The following STAG1 variants were observed in gnomAD, a reference collection of about 807,000 sequenced individuals.
STAG1 encodes cohesin subunit SA-1.
In STAG1, 26 loss-of-function variants were observed where a neutral mutation model predicts 170.9. That is an observed-to-expected ratio of 0.15 (90% CI 0.11 to 0.21). STAG1 has a LOEUF of 0.21. Ranked by LOEUF, STAG1 falls within the 10% of genes least tolerant of loss-of-function variation. The pLI is 1.00. For synonymous variants in STAG1, 514 were observed against 497.7 expected (o/e 1.03, Z -0.44); for missense variants, 964 against 1,509.5 (o/e 0.64, Z 5.99).
chr3:136,468,464 C>G (rs188528132), intron 12 of STAG1, among the ~76,000 whole-genome samples: 4 of 152,022 alleles, frequency 2.6e-5, no homozygotes, highest in Non-Finnish European at 5.9e-5. Context: ...CAGGAAGAAG[C>G]TGAATCCCTG....
At chr3:136,458,889 T>C (rs1311003996) in intron 13 of STAG1, among the ~76,000 whole-genome samples, 3 of 152,034 alleles carry the variant, frequency 2.0e-5, no homozygotes, top group African/African-American at 4.8e-5. Context: ...ATATTTGTTA[T>C]CAAATAAAAT....
intron 1 of STAG1, among the ~76,000 whole-genome samples, chr3:136,698,688 G>A (rs1468890506): frequency 4.6e-5 from 7 of 152,270 alleles, no homozygotes; most frequent in East Asian, 1.9e-4. Context: ...AAATGATTCC[G>A]TTTGTATGGG....
At chr3:136,723,932 G>C (rs1933491193) in intron 1 of STAG1, among the ~76,000 whole-genome samples, 1 of 149,584 alleles carries the variant, frequency 6.7e-6, no homozygotes, top group Non-Finnish European at 1.5e-5. Context: ...AGTGAGGTGG[G>C]GGGGTCAGCC....
At chr3:136,572,620 A>AAAAAG (rs1553747954) in intron 4 of STAG1, among the ~76,000 whole-genome samples, 3 of 148,650 alleles carry the variant, frequency 2.0e-5, no homozygotes, top group Non-Finnish European at 3.0e-5. Context: ...AAAAAAAAAA[A>AAAAAG]AAGTAAGCAA....
intron 3 of STAG1, among the ~76,000 whole-genome samples, chr3:136,610,968 G>T (rs765786395): frequency 1.6e-4 from 25 of 151,824 alleles, no homozygotes; most frequent in Non-Finnish European, 3.2e-4. Flanking sequence ...TTAATATATG[G>T]GTTGAGTACC....
At chr3:136,717,647 A>G (rs1400068174) in intron 1 of STAG1, among the ~76,000 whole-genome samples, 4 of 152,188 alleles carry the variant, frequency 2.6e-5, no homozygotes, top group African/African-American at 9.6e-5. Context: ...CTGGGCAACA[A>G]GAGTGAAACT....
At chr3:136,451,700 C>T (rs1363178439) in intron 14 of STAG1, among the ~76,000 whole-genome samples, 1 of 151,608 alleles carries the variant, frequency 6.6e-6, no homozygotes, top group African/African-American at 2.4e-5. Context: ...GAGGCAGAGG[C>T]TGCAGTGAGC....
At chr3:136,566,590 A>G (rs1937083461) in intron 5 of STAG1, among the ~76,000 whole-genome samples, 1 of 152,244 alleles carries the variant, frequency 6.6e-6, no homozygotes, top group Non-Finnish European at 1.5e-5. Flanking sequence ...TATTATCTTC[A>G]AATCATTCTG....
intron 3 of STAG1, among the ~76,000 whole-genome samples, chr3:136,615,451 A>AAAAG (rs1939541238): frequency 1.4e-5 from 2 of 142,802 alleles, no homozygotes; most frequent in Non-Finnish European, 3.0e-5. Context: ...AAAAAAAAAA[A>AAAAG]GGAGTGGGGG....
At chr3:136,585,306 G>A (rs1431958268) in intron 4 of STAG1, among the ~76,000 whole-genome samples, 1 of 152,160 alleles carries the variant, frequency 6.6e-6, no homozygotes, top group African/African-American at 2.4e-5. Flanking sequence ...GCCAGGTATG[G>A]TGGTGTTCAC....
intron 32 of STAG1, 107 bp from the exon 33 acceptor site, chr3:136,338,557 A>G: frequency 1.3e-6 from 1 of 751,626 alleles, no homozygotes; most frequent in Non-Finnish European, 2.2e-6. Flanking sequence ...TGGAACTGCT[A>G]AGAGTCAATT....
At chr3:136,705,623 T>A (rs1943207942) in intron 1 of STAG1, among the ~76,000 whole-genome samples, 1 of 151,942 alleles carries the variant, frequency 6.6e-6, no homozygotes, top group Admixed American at 6.6e-5. Flanking sequence ...TCTCATGAGA[T>A]CTGATGGTTT....
At chr3:136,586,289 A>C (rs192995268) in intron 4 of STAG1, among the ~76,000 whole-genome samples, 4 of 152,122 alleles carry the variant, frequency 2.6e-5, no homozygotes, top group African/African-American at 9.6e-5. Flanking sequence ...ATAATCACAA[A>C]CACTACAGTC....
intron 3 of STAG1, among the ~76,000 whole-genome samples, chr3:136,606,910 GCTAA>G (rs1453235540): frequency 1.3e-5 from 2 of 151,686 alleles, no homozygotes; most frequent in Non-Finnish European, 2.9e-5. Flanking sequence ...CACCACCCCG[GCTAA>G]CTTTTTTTTG....
chr3:136,719,649 A>AGGTGGGTGGGTGGGTAGGTG (rs1321310165), intron 1 of STAG1, among the ~76,000 whole-genome samples: 2 of 18,730 alleles, frequency 1.1e-4, no homozygotes, highest in East Asian at 3.6e-3. Flanking sequence ...GTAGGTGGGT[A>AGGTGGGTGGGTGGGTAGGTG]GGTGGGTGGG....
rs749325884 is a variant in STAG1 at position 136,579,958 on chromosome 3, A to ATTTTTTTTTTTTTTTTTT, written c.298-11115_298-11098dup. On this transcript the variant is annotated intron_variant, in intron 4 of 33. Coordinates refer to ENST00000383202, the MANE Select transcript of STAG1 (RefSeq NM_005862.3). Reference sequence around the variant, plus strand: ...CTATTTTGGTCACAATACCATCTGAATTTTTTTTTTTTTTTTTTTTTTTTT... The same window carrying ATTTTTTTTTTTTTTTTTT: ...CTATTTTGGTCACAATACCATCTGAATTTTTTTTTTTTTTTTTTTTTTTTTTTTTTTTTTTTTTTTTTT... 1.2e-3 allele frequency among the ~76,000 whole-genome samples: 90 copies of ATTTTTTTTTTTTTTTTTT among 73,644 alleles called. 13 individuals carry two copies. The highest frequency in any genetic ancestry group is 1.5e-3 in the Non-Finnish European group (63 of 41,054). The allele number at this position is 73,644 out of a possible 152,430, so 48.3% of individuals were successfully genotyped here.
chr3:136,633,203 C>T (rs897610557), intron 1 of STAG1, among the ~76,000 whole-genome samples: 5 of 151,222 alleles, frequency 3.3e-5, no homozygotes, highest in Non-Finnish European at 7.4e-5. Context: ...CAGAAAGTAC[C>T]CCCACCCCGG....
intron 3 of STAG1, among the ~76,000 whole-genome samples, chr3:136,614,416 G>C (rs1012320091): frequency 1.3e-5 from 2 of 152,036 alleles, no homozygotes; most frequent in Non-Finnish European, 2.9e-5. Context: ...TAATTCAAGG[G>C]ACATAGTGAT....
At chr3:136,649,068 C>A (rs1213359573) in intron 1 of STAG1, among the ~76,000 whole-genome samples, 2 of 152,192 alleles carry the variant, frequency 1.3e-5, no homozygotes. Context: ...TCTGTAATAT[C>A]AAATTATATA....
Sources: gnomAD v4.1 joint callset for allele counts (sites outside exome capture counted in the v4.1 genomes callset) on GRCh38, gnomAD v4.1.1 for gene constraint, MANE v1.5 for transcripts, NCBI Gene and HGNC (gene_info 2026-07-23, HGNC 2026-07-21) for gene names.